MAPK10: variants seen among roughly 807,000 people sequenced by gnomAD.
The protein encoded by MAPK10 is JNK3 alpha protein kinase.
A neutral mutation model predicts 59.3 loss-of-function variants in MAPK10; 25 were observed. The ratio of observed to expected loss-of-function variants is 0.42; its 90% CI spans 0.31 to 0.59. MAPK10 has a LOEUF of 0.59. Ranked by LOEUF, MAPK10 falls within the 20% of genes least tolerant of loss-of-function variation. The pLI, the probability that MAPK10 is intolerant of heterozygous loss-of-function variation, is 0.15. For synonymous variants in MAPK10, 190 were observed against 200.5 expected (o/e 0.95, Z 0.44); for missense variants, 351 against 568.9 (o/e 0.62, Z 3.90).
intron 1 of MAPK10, among the ~76,000 whole-genome samples, chr4:86,475,657 G>A (rs1753025446): frequency 6.6e-6 from 1 of 152,128 alleles, no homozygotes; most frequent in South Asian, 2.1e-4. Context: ...GGGGACGCCT[G>A]CCTTGGTCCT....
At chr4:86,312,948 A>G (rs2095699652) in intron 2 of MAPK10, among the ~76,000 whole-genome samples, 1 of 152,012 alleles carries the variant, frequency 6.6e-6, no homozygotes. Context: ...TTATGAGCAT[A>G]AATTCTTTAT....
chr4:86,109,869 T>C (rs1334637111), intron 4 of MAPK10, among the ~76,000 whole-genome samples: 1 of 152,230 alleles, frequency 6.6e-6, no homozygotes, highest in Non-Finnish European at 1.5e-5. Context: ...AAAGCATCCC[T>C]ATCCGCAGCC....
intron 3 of MAPK10, among the ~76,000 whole-genome samples, chr4:86,186,771 A>G (rs553914396): frequency 6.6e-6 from 1 of 152,276 alleles, no homozygotes; most frequent in East Asian, 1.9e-4. Context: ...TGTCAATTAT[A>G]TATGACAACA....
chr4:86,037,475 AC>A (rs925508032), intron 11 of MAPK10, among the ~76,000 whole-genome samples: 12 of 151,962 alleles, frequency 7.9e-5, no homozygotes, highest in African/African-American at 2.9e-4. Flanking sequence ...AGCCAAGATC[AC>A]ACCACTGCAT....
At position 86,423,760 on chromosome 4, in the gene MAPK10, G is replaced by GATATATATATAT. The variant is rs772650050; in HGVS notation, c.-122+29269_-122+29270insATATATATATAT. ...AGGGCTGCATATAAGTAATTAGTGG[G>GATATATATATAT]ATATATATACATATATATATATATA... On this transcript the variant is annotated intron_variant, in intron 1 of 13. Coordinates refer to the MAPK10 transcript ENST00000361569. 6.8e-3 allele frequency among the ~76,000 whole-genome samples: 796 copies of GATATATATATAT among 116,954 alleles called. 37 individuals are homozygous for GATATATATATAT. Among genetic ancestry groups the GATATATATATAT allele is most frequent in the East Asian group, 0.03 (119 of 3,962 alleles). The allele number at this position is 116,954 out of a possible 152,430, so 76.7% of individuals were successfully genotyped here.
intron 1 of MAPK10, among the ~76,000 whole-genome samples, chr4:86,400,750 A>C (rs1743598807): frequency 6.6e-6 from 1 of 152,158 alleles, no homozygotes; most frequent in African/African-American, 2.4e-5. Context: ...ACTCCCTTGC[A>C]GTTTTTTGGA....
intron 1 of MAPK10, among the ~76,000 whole-genome samples, chr4:86,547,625 G>T (rs1386287336): frequency 6.6e-6 from 1 of 152,208 alleles, no homozygotes; most frequent in African/African-American, 2.4e-5. Flanking sequence ...GACCACCCAA[G>T]GGCTGAGGAA....
chr4:86,403,954 C>T (rs920231412), intron 1 of MAPK10, among the ~76,000 whole-genome samples: 5 of 152,138 alleles, frequency 3.3e-5, no homozygotes, highest in Non-Finnish European at 7.4e-5. Context: ...TTTTCTCCCC[C>T]TTCCGATCTC....
At chr4:86,558,754 G>A (rs1760452050) in intron 1 of MAPK10, among the ~76,000 whole-genome samples, 1 of 151,402 alleles carries the variant, frequency 6.6e-6, no homozygotes, top group African/African-American at 2.4e-5. Context: ...ATTTTGACAT[G>A]TTGCAACTAA....
chr4:86,017,075 G>T lies in MAPK10; in HGVS notation c.*153C>A. On this transcript the variant is annotated 3_prime_UTR_variant, in exon 14 of 14. Coordinates refer to ENST00000641462, the MANE Select transcript of MAPK10 (RefSeq NM_138982.4). This position sits in a 1 kb window ranked among gnomAD's most constrained non-coding sequence, Gnocchi z 4.4. Reference sequence around the variant, plus strand: ...CAGAACCCTGGGGAAGAAGCAGGCTGAAAGATTTATTTAATTTTAGGCTTG... The same window carrying T: ...CAGAACCCTGGGGAAGAAGCAGGCTTAAAGATTTATTTAATTTTAGGCTTG... 1.2e-6 allele frequency: 1 copy of T among 822,716 alleles called. No individual in the cohort carries two copies. The highest frequency in any genetic ancestry group is 1.7e-5 in the African/African-American group (1 of 58,410). The allele number at this position is 822,716 out of a possible 1,614,324, so 51.0% of individuals were successfully genotyped here.
intron 10 of MAPK10, among the ~76,000 whole-genome samples, chr4:86,067,333 G>A (rs1414651539): frequency 6.6e-6 from 1 of 151,928 alleles, no homozygotes; most frequent in East Asian, 1.9e-4. Context: ...TAGGAGAGAC[G>A]CAGTTTCACC....
At chr4:86,457,203 C>T (rs1158141857), upstream of MAPK10, among the ~76,000 whole-genome samples, 1 of 152,160 alleles carries the variant, frequency 6.6e-6, no homozygotes, top group African/African-American at 2.4e-5. Flanking sequence ...CCAACAGATA[C>T]TGAATGGGGA....
At chr4:86,233,123 C>G (rs955265956) in intron 2 of MAPK10, among the ~76,000 whole-genome samples, 1 of 152,086 alleles carries the variant, frequency 6.6e-6, no homozygotes, top group Non-Finnish European at 1.5e-5. Flanking sequence ...TGCCCAGGGT[C>G]GTATGTCAGA....
At chr4:86,285,226 T>C (rs1379103094) in intron 2 of MAPK10, among the ~76,000 whole-genome samples, 1 of 151,980 alleles carries the variant, frequency 6.6e-6, no homozygotes, top group African/African-American at 2.4e-5. Flanking sequence ...AATGACACTT[T>C]TTTTTTTTTG....
intron 4 of MAPK10, among the ~76,000 whole-genome samples, chr4:86,141,788 C>G (rs1185927378): frequency 6.6e-6 from 1 of 152,202 alleles, no homozygotes; most frequent in African/African-American, 2.4e-5. Flanking sequence ...ACAGTCCTAT[C>G]TTAGTCCATT....
At chr4:86,071,670 T>C (rs1013068111) in intron 9 of MAPK10, among the ~76,000 whole-genome samples, 2 of 151,486 alleles carry the variant, frequency 1.3e-5, no homozygotes, top group Non-Finnish European at 2.9e-5. Flanking sequence ...CATTGTTGTT[T>C]TTCTCAGGTT....
Position 86,017,184 on chromosome 4 carries a change from C to T in MAPK10, c.*44G>A, listed in dbSNP as rs374169974. The T allele has an allele frequency of 9.4e-6, 15 of 1,602,756 alleles. No homozygotes were observed. Among genetic ancestry groups the T allele is most frequent in the South Asian group, 2.2e-5 (2 of 89,218 alleles). On this transcript the variant is annotated 3_prime_UTR_variant, in exon 14 of 14. Transcript: ENST00000641462. The surrounding 1 kb of genome is among the most constrained non-coding windows in gnomAD (Gnocchi z 4.4). ...GTCTGCGTGTGTGTGTGTTCCATCA[C>T]ATCATCTCCTGAAGAACGCTGGGTT...
intron 2 of MAPK10, among the ~76,000 whole-genome samples, chr4:86,334,621 C>G (rs1719943234): frequency 6.6e-6 from 1 of 151,964 alleles, no homozygotes; most frequent in Non-Finnish European, 1.5e-5. Flanking sequence ...TATGCTGTTT[C>G]CTCAGCCTGG....
chr4:86,257,103 T>C lies in MAPK10; in HGVS notation c.-6-62696A>G, dbSNP rs115780955. ...TCTTTCCTTCAAATATCATTTCTTA[T>C]TGTGTCATCTTAAAGAAGAAAATAG... On this transcript the variant is annotated intron_variant, in intron 2 of 13. Transcript: ENST00000641462. 5.5e-3 allele frequency among the ~76,000 whole-genome samples: 840 copies of C among 152,318 alleles called. 9 individuals are homozygous for C. Among genetic ancestry groups the C allele is most frequent in the African/African-American group, 0.019 (807 of 41,564 alleles).
Sources: allele counts gnomAD v4.1 joint callset (sites outside exome capture counted in the v4.1 genomes callset), GRCh38; gene constraint gnomAD v4.1.1; non-coding constraint Gnocchi (gnomAD v3.1); transcripts MANE v1.5; gene names NCBI Gene and HGNC (gene_info 2026-07-23, HGNC 2026-07-21).